The following ARHGAP22 variants were observed in gnomAD, a reference collection of about 807,000 sequenced individuals.
ARHGAP22 encodes Rho GTPase activating protein 22, also known as rho GTPase-activating protein 22.
A neutral mutation model predicts 59.1 loss-of-function variants in ARHGAP22; 48 were observed. That is an observed-to-expected ratio of 0.81 (90% CI 0.64 to 1.03). The LOEUF is 1.03. Among genes scored for constraint, ARHGAP22 ranks in the 50% least tolerant of loss-of-function variants. ARHGAP22 has a pLI of 0.00. For missense variants in ARHGAP22, 1,015 were observed against 958.7 expected, an observed-to-expected ratio of 1.06 and a Z score of -0.78; for synonymous variants, 445 against 416.4, an observed-to-expected ratio of 1.07 and a Z score of -0.84.
chr10:48,465,804 A>G (rs2047603542), intron 4 of ARHGAP22, among the ~76,000 whole-genome samples: 1 of 152,148 alleles, frequency 6.6e-6, no homozygotes, highest in Non-Finnish European at 1.5e-5. Context: ...TAATTGGGTA[A>G]TTCCACAGTT....
rs1021738911 is a variant in ARHGAP22, at chr10:48,560,260, G to A, written c.235-4710C>T. On this transcript the variant is annotated intron_variant, in intron 2 of 9. Transcript: ENST00000249601. ...AAAAATGCCTACTGGGATTGTGATC[G>A]GGATTGCATAGATCAATTTGGGGAG... Among the ~76,000 whole-genome samples, 6 of 152,166 alleles carry A rather than the reference G, an allele frequency of 3.9e-5. No individual in the cohort carries two copies. The South Asian group carries it at 8.3e-4, about 21-fold the overall frequency.
chr10:48,649,209 C>A (rs1355014646), intron 1 of ARHGAP22, among the ~76,000 whole-genome samples: 2 of 152,184 alleles, frequency 1.3e-5, no homozygotes, highest in Non-Finnish European at 2.9e-5. Flanking sequence ...TGCTTCAGCG[C>A]CCCTCTCTCT....
At chr10:48,554,253 G>T (rs2057129113) in intron 3 of ARHGAP22, among the ~76,000 whole-genome samples, 1 of 152,220 alleles carries the variant, frequency 6.6e-6, no homozygotes, top group Non-Finnish European at 1.5e-5. Context: ...AGGTAGACAT[G>T]CCCCTATCCC....
upstream of ARHGAP22, among the ~76,000 whole-genome samples, chr10:48,608,663 A>G (rs895224598): frequency 2.6e-5 from 4 of 152,086 alleles, no homozygotes; most frequent in African/African-American, 9.7e-5. Context: ...ATGTCACTCA[A>G]GGTCTTCATG....
intron 1 of ARHGAP22, among the ~76,000 whole-genome samples, chr10:48,613,104 C>T (rs1219223454): frequency 6.6e-6 from 1 of 152,194 alleles, no homozygotes; most frequent in African/African-American, 2.4e-5. Context: ...TCAGTGTACA[C>T]CTTTGGCCTT....
At chr10:48,570,983 A>G (rs2058361080) in intron 2 of ARHGAP22, among the ~76,000 whole-genome samples, 1 of 151,990 alleles carries the variant, frequency 6.6e-6, no homozygotes, top group African/African-American at 2.4e-5. Flanking sequence ...CTCGTTTTTG[A>G]CTCATCTAGG....
chr10:48,619,508 A>G (rs536753907), intron 1 of ARHGAP22, among the ~76,000 whole-genome samples: 1 of 152,340 alleles, frequency 6.6e-6, no homozygotes, highest in South Asian at 2.1e-4. Flanking sequence ...GACCAATGGC[A>G]GAGAATAGAG....
intron 3 of ARHGAP22, among the ~76,000 whole-genome samples, chr10:48,520,872 C>T (rs10857591): frequency 0.14 from 20,631 of 152,080 alleles, 1,873 homozygotes; most frequent in Middle Eastern, 0.28. Flanking sequence ...CCTACCAGTC[C>T]GCTCCTGCCC....
intron 3 of ARHGAP22, among the ~76,000 whole-genome samples, chr10:48,541,716 C>T (rs1043869107): frequency 6.6e-6 from 1 of 152,162 alleles, no homozygotes; most frequent in South Asian, 2.1e-4. Context: ...CCCAGGAAGC[C>T]AAGCTGGTCC....
chr10:48,453,945 G>T, intron 7 of ARHGAP22, 143 bp downstream of exon 7: 4 of 834,734 alleles, frequency 4.8e-6, no homozygotes, highest in South Asian at 1.6e-5. Flanking sequence ...TCCCTGCTTC[G>T]TCCACGCTGG....
intron 1 of ARHGAP22, among the ~76,000 whole-genome samples, chr10:48,603,929 C>A (rs903170520): frequency 5.9e-5 from 9 of 152,356 alleles, no homozygotes; most frequent in African/African-American, 1.7e-4. Context: ...CTCCATCCAC[C>A]TCCAAAGACC....
At chr10:48,588,519 C>A (rs2059563489) in intron 1 of ARHGAP22, among the ~76,000 whole-genome samples, 2 of 152,188 alleles carry the variant, frequency 1.3e-5, no homozygotes, top group African/African-American at 4.8e-5. Flanking sequence ...TCAAGTCAAA[C>A]AGCTCTGGCA....
chr10:48,454,727 C>A (rs1372263777), intron 6 of ARHGAP22, among the ~76,000 whole-genome samples: 1 of 152,186 alleles, frequency 6.6e-6, no homozygotes, highest in East Asian at 1.9e-4. Flanking sequence ...CAGAGCTGGG[C>A]ACACCGGACC....
Position 48,623,713 on chromosome 10 carries a change from G to A in ARHGAP22, c.52+28521C>T, listed in dbSNP as rs941004946. Among the ~76,000 whole-genome samples the A allele has an allele frequency of 3.9e-5, 6 of 152,276 alleles. 1 individual carries two copies. In the South Asian group the frequency reaches 8.3e-4, roughly 21 times the overall value. The stretch of plus-strand genomic sequence containing the variant: ...CCCTCACCAAGCTCCTGGTTAAGAG[G>A]AGCCCATGTCCGATCTCCAGGGCAG... On this transcript the variant is annotated intron_variant, in intron 1 of 9. Transcript: ENST00000435790.
At chr10:48,435,422 GT>G in the ARHGAP22 span, 39 of 157,328 alleles carry the variant, frequency 2.5e-4, no homozygotes, top group Non-Finnish European at 3.3e-4. Flanking sequence ...GATTTTTATA[GT>G]TTTTTTTAAT....
Position 48,446,383 on chromosome 10 carries a change from C to G in ARHGAP22, c.*8G>C, listed in dbSNP as rs1308078196. Reference sequence around the variant, plus strand: ...GACGTGGTACAGAAGTGAGCTCTGCCATTCCTTTTACTTTGGGGCCCTGGC... The same window carrying G: ...GACGTGGTACAGAAGTGAGCTCTGCGATTCCTTTTACTTTGGGGCCCTGGC... On this transcript the variant is annotated 3_prime_UTR_variant, in exon 10 of 10. Transcript: ENST00000249601. The G allele has an allele frequency of 6.2e-7, 1 of 1,613,968 alleles. No individual in the cohort carries two copies. The highest frequency in any genetic ancestry group is 1.1e-5 in the South Asian group (1 of 91,050).
chr10:48,448,078 A>G (rs2133519040), intron 9 of ARHGAP22, among the ~76,000 whole-genome samples: 1 of 152,254 alleles, frequency 6.6e-6, no homozygotes, highest in Admixed American at 6.5e-5. Flanking sequence ...AAAGTGCCCA[A>G]TGTGCCAAGA....
chr10:48,582,628 T>A (rs760477745), intron 2 of ARHGAP22: 7 of 367,004 alleles, frequency 1.9e-5, no homozygotes, highest in Non-Finnish European at 3.5e-5. Context: ...AGTAATGAAA[T>A]GTGTGCATGT....
At chr10:48,509,090 G>A (rs915964714) in intron 3 of ARHGAP22, among the ~76,000 whole-genome samples, 1 of 152,218 alleles carries the variant, frequency 6.6e-6, no homozygotes, top group African/African-American at 2.4e-5. Flanking sequence ...TTTGCTCATT[G>A]TCAGTCCACC....
Sources: allele counts gnomAD v4.1 joint callset (sites outside exome capture counted in the v4.1 genomes callset), GRCh38; gene constraint gnomAD v4.1.1; transcripts MANE v1.5; gene names NCBI Gene and HGNC (gene_info 2026-07-23, HGNC 2026-07-21).